Variants in SRGAP1 observed in about 807,000 individuals in gnomAD.
SRGAP1 encodes SLIT-ROBO Rho GTPase-activating protein 1.
In SRGAP1, 43 loss-of-function variants were observed where a neutral mutation model predicts 121.9. That is an observed-to-expected ratio of 0.35 (90% confidence interval 0.28 to 0.46). The LOEUF (loss-of-function observed/expected upper bound fraction) is 0.46. Among genes scored for constraint, SRGAP1 ranks in the 20% least tolerant of loss-of-function variants. The pLI, the probability that SRGAP1 is intolerant of heterozygous loss-of-function variation, is 1.00. For synonymous variants in SRGAP1, 447 were observed against 485.4 expected, an observed-to-expected ratio of 0.92 and a Z score of 1.04; for missense variants, 1,102 against 1,350.9, an observed-to-expected ratio of 0.82 and a Z score of 2.89.
rs139274264 is a variant in SRGAP1 at position 64,002,387 on chromosome 12, G to A, written c.426+12315G>A. Reference sequence around the variant, plus strand: ...CAACCTGTTGTTTTATTTTCTGTCTGTCCTGCTGCCACTTGGCCTCAGATG... The same window carrying A: ...CAACCTGTTGTTTTATTTTCTGTCTATCCTGCTGCCACTTGGCCTCAGATG... On this transcript the variant is annotated intron_variant, in intron 3 of 21. Transcript: ENST00000355086. Among the ~76,000 whole-genome samples the A allele has an allele frequency of 5.2e-3, 786 of 152,278 alleles. 5 individuals are homozygous for A. Among genetic ancestry groups the A allele is most frequent in the African/African-American group, 0.017 (720 of 41,538 alleles).
At chr12:63,896,018 T>C (rs1900743603) in intron 1 of SRGAP1, among the ~76,000 whole-genome samples, 2 of 152,312 alleles carry the variant, frequency 1.3e-5, no homozygotes, top group South Asian at 4.1e-4. Flanking sequence ...TGTGCTGTTA[T>C]GGTTATGACT....
chr12:64,076,344 A>C (rs185965875), intron 8 of SRGAP1, among the ~76,000 whole-genome samples: 2 of 152,316 alleles, frequency 1.3e-5, no homozygotes, highest in Admixed American at 1.3e-4. Context: ...ACTATTTACA[A>C]TGTTCAAGGA....
At chr12:63,961,933 A>G (rs1159868008) in intron 1 of SRGAP1, among the ~76,000 whole-genome samples, 2 of 152,204 alleles carry the variant, frequency 1.3e-5, no homozygotes, top group South Asian at 2.1e-4. Flanking sequence ...GGGAGGAGAC[A>G]TCTGAGGACA....
intron 3 of SRGAP1, among the ~76,000 whole-genome samples, chr12:64,013,456 G>T (rs1053995416): frequency 1.3e-5 from 2 of 152,192 alleles, no homozygotes; most frequent in African/African-American, 4.8e-5. Flanking sequence ...AAGGCTAGTG[G>T]TGGGAAGAAA....
At chr12:63,859,787 T>C (rs1899384920) in intron 1 of SRGAP1, among the ~76,000 whole-genome samples, 1 of 152,196 alleles carries the variant, frequency 6.6e-6, no homozygotes, top group Non-Finnish European at 1.5e-5. Context: ...TCTAATATAA[T>C]CATTCTTTCT....
chr12:64,066,733 A>G (rs1165902786), intron 8 of SRGAP1, among the ~76,000 whole-genome samples: 1 of 152,204 alleles, frequency 6.6e-6, no homozygotes, highest in Non-Finnish European at 1.5e-5. Flanking sequence ...ATCTCTATGT[A>G]GGGTCCCACA....
rs1383580989 is a variant in SRGAP1, at chr12:64,144,586, A to T, written c.*1914A>T. The T allele has an allele frequency of 6.6e-6, 1 of 152,032 alleles. No homozygotes were observed. Among genetic ancestry groups the T allele is most frequent in the African/African-American group, 2.4e-5 (1 of 41,362 alleles). The allele number at this position is 152,032 out of a possible 1,614,324, so 9.4% of individuals were successfully genotyped here. A position where few individuals can be genotyped will look rare whatever the true frequency, so the allele number is the denominator to read the frequency against. On this transcript the variant is annotated 3_prime_UTR_variant, in exon 22 of 22. Coordinates refer to ENST00000355086, the MANE Select transcript of SRGAP1 (RefSeq NM_020762.4). ...ACAAATGAATAGTGACTTTTTTCCCATGTATTTCTAGGTATGGTAAACTTT... is the reference window on the plus strand; with the variant it reads ...ACAAATGAATAGTGACTTTTTTCCCTTGTATTTCTAGGTATGGTAAACTTT...
chr12:64,115,519 G>C (rs539787822), intron 17 of SRGAP1, among the ~76,000 whole-genome samples: 1 of 152,226 alleles, frequency 6.6e-6, no homozygotes, highest in Non-Finnish European at 1.5e-5. Context: ...TGGCACTTTG[G>C]GAGATCAAGG....
Position 64,158,439 on chromosome 12 carries a change from C to T in SRGAP1, c.*15767C>T, listed in dbSNP as rs1435727973. 1.3e-5 allele frequency: 2 copies of T among 152,092 alleles called. No individual in the cohort carries two copies. The highest frequency in any genetic ancestry group is 2.1e-4 in the South Asian group (1 of 4,814). 9.4% of individuals were successfully genotyped at this position (152,092 alleles called of 1,614,324 possible). On this transcript the variant is annotated 3_prime_UTR_variant, in exon 22 of 22. Transcript: ENST00000355086. ...AACCAGGGATTCAAACCCAACACAT[C>T]GGGTGCTAAAGTCTACCCTCTTAGT... is the stretch of plus-strand genomic sequence containing the variant.
At chr12:63,991,486 T>C (rs563477284) in intron 3 of SRGAP1, among the ~76,000 whole-genome samples, 141 of 152,294 alleles carry the variant, frequency 9.3e-4, no homozygotes, top group African/African-American at 3.3e-3. Context: ...CTTTAAAAAT[T>C]GAAACTAAGG....
chr12:64,145,201 G>A lies in SRGAP1; in HGVS notation c.*2529G>A, dbSNP rs1488813628. 2 of 152,140 alleles carry A rather than the reference G, an allele frequency of 1.3e-5. No homozygotes were observed. Among genetic ancestry groups the A allele is most frequent in the Admixed American group, 6.5e-5 (1 of 15,270 alleles). The allele number at this position is 152,140 out of a possible 1,614,324, so 9.4% of individuals were successfully genotyped here. A position where few individuals can be genotyped will look rare whatever the true frequency, so the allele number is the denominator to read the frequency against. On this transcript the variant is annotated 3_prime_UTR_variant, in exon 22 of 22. Transcript: ENST00000355086. The stretch of plus-strand genomic sequence containing the variant: ...TCCTTGTTTGATGGAAGAGTAAGAT[G>A]TTAACAGAGGGCATCAAAGGGCCAG...
intron 15 of SRGAP1, 170 bp downstream of exon 15, chr12:64,097,545 C>A: frequency 4.2e-6 from 3 of 707,262 alleles, no homozygotes; most frequent in Non-Finnish European, 6.5e-6. Flanking sequence ...ATCCTCCCAG[C>A]TGTGGCCTCA....
rs1483584156 is a variant in SRGAP1 at position 64,062,905 on chromosome 12, T to C, written c.802-12T>C. 6.2e-7 allele frequency: 1 copy of C among 1,600,220 alleles called. No individual in the cohort carries two copies. The highest frequency in any genetic ancestry group is 8.5e-7 in the Non-Finnish European group (1 of 1,171,160). ...ATTCATTTTTGTATGTGGTGTTCTT[T>C]TACTTTTTAAGTGCTGTGATCTTGG... On this transcript the variant is annotated splice_polypyrimidine_tract_variant and intron_variant, in intron 6 of 21. Transcript: ENST00000355086.
intron 1 of SRGAP1, among the ~76,000 whole-genome samples, chr12:63,882,549 G>A (rs952399594): frequency 6.6e-6 from 1 of 152,136 alleles, no homozygotes; most frequent in African/African-American, 2.4e-5. Flanking sequence ...CTCCCAAAGT[G>A]CTGGGATTAC....
At chr12:64,042,470 A>G (rs1000212307) in intron 4 of SRGAP1, among the ~76,000 whole-genome samples, 9 of 152,174 alleles carry the variant, frequency 5.9e-5, no homozygotes, top group African/African-American at 2.2e-4. Flanking sequence ...TTAATAATGT[A>G]GAGGAGATTT....
intron 4 of SRGAP1, among the ~76,000 whole-genome samples, chr12:64,041,270 T>C (rs2035014017): frequency 1.3e-5 from 2 of 152,076 alleles, no homozygotes; most frequent in African/African-American, 2.4e-5. Context: ...TATGCTGATA[T>C]CTAAGTGGCA....
chr12:63,954,406 C>G (rs2032392375), intron 1 of SRGAP1, among the ~76,000 whole-genome samples: 1 of 152,102 alleles, frequency 6.6e-6, no homozygotes, highest in Non-Finnish European at 1.5e-5. Context: ...GCACTGGGCG[C>G]CATGGCTCAC....
At chr12:63,892,068 G>A (rs567494981) in intron 1 of SRGAP1, among the ~76,000 whole-genome samples, 19 of 151,504 alleles carry the variant, frequency 1.3e-4, no homozygotes, top group South Asian at 8.4e-4. Context: ...TCTACCATAC[G>A]ACTCTTTTTC....
intron 6 of SRGAP1, among the ~76,000 whole-genome samples, chr12:64,057,350 C>T (rs2035362836): frequency 6.6e-6 from 1 of 152,208 alleles, no homozygotes; most frequent in Non-Finnish European, 1.5e-5. Flanking sequence ...TATGAAAACT[C>T]GTGTGTAAAA....
Sources: allele counts gnomAD v4.1 joint callset (sites outside exome capture counted in the v4.1 genomes callset), GRCh38; gene constraint gnomAD v4.1.1; transcripts MANE v1.5; gene names NCBI Gene and HGNC (gene_info 2026-07-23, HGNC 2026-07-21).